The following SH3BP5 variants were observed in gnomAD, a reference collection of about 807,000 sequenced individuals.
SH3BP5 encodes SH3 domain-binding protein 5.
Under a neutral mutation model 43.3 loss-of-function variants are expected in SH3BP5, and 22 were observed. That is an observed-to-expected ratio of 0.51 (90% CI 0.36 to 0.73). SH3BP5 has a LOEUF of 0.73. Among genes scored for constraint, SH3BP5 ranks in the 30% least tolerant of loss-of-function variants. SH3BP5 has a pLI of 0.00. For synonymous variants in SH3BP5, 255 were observed against 225.8 expected, an observed-to-expected ratio of 1.13 and a Z score of -1.16; for missense variants, 529 against 586.9, an observed-to-expected ratio of 0.90 and a Z score of 1.02.
rs144539144 is a variant in SH3BP5, at chr3:15,327,102, C to T, written c.201+3402G>A. Reference sequence around the variant, plus strand: ...ACAAGACTGGGCACGGTGGCTCACACCTGTAATCCCAGCACTTTGGGAGGC... The same window carrying T: ...ACAAGACTGGGCACGGTGGCTCACATCTGTAATCCCAGCACTTTGGGAGGC... On this transcript the variant is annotated intron_variant, in intron 2 of 8. Transcript: ENST00000383791. Among the ~76,000 whole-genome samples, 1,071 of 152,244 alleles carry T rather than the reference C, an allele frequency of 7.0e-3. 21 individuals carry two copies. The highest frequency in any genetic ancestry group is 0.025 in the African/African-American group (1,021 of 41,534).
intron 2 of SH3BP5, among the ~76,000 whole-genome samples, chr3:15,322,039 T>C (rs1043642564): frequency 1.3e-5 from 2 of 152,062 alleles, no homozygotes; most frequent in Admixed American, 6.6e-5. Context: ...ACCCCGTCTC[T>C]ACTAAAATAC....
chr3:15,304,341 A>G (rs1697837620), intron 2 of SH3BP5, 110 bp from the exon 3 acceptor site: 1 of 1,522,118 alleles, frequency 6.6e-7, no homozygotes, highest in Admixed American at 1.8e-5. Flanking sequence ...CAACGTACAG[A>G]CCCCTAAAGT....
intron 3 of SH3BP5, among the ~76,000 whole-genome samples, chr3:15,277,865 C>T (rs999518314): frequency 5.3e-5 from 8 of 152,226 alleles, no homozygotes; most frequent in Non-Finnish European, 1.2e-4. Flanking sequence ...CTTCCAGAAC[C>T]CCCTGGATGC....
chr3:15,258,502 G>A (rs942091767), intron 7 of SH3BP5: 17 of 356,880 alleles, frequency 4.8e-5, no homozygotes, highest in African/African-American at 3.4e-4. Context: ...ATGATGTAAA[G>A]GTAGCTTTGA....
chr3:15,284,180 ACT>A lies in SH3BP5; in HGVS notation c.331-14305_331-14304del, dbSNP rs368900760. ...AGCTTCACTGAAGCTTACAAGACTG[ACT>A]CTCTAGACTGTAGATCCTGATGGGA... On this transcript the variant is annotated intron_variant, in intron 3 of 8. Transcript: ENST00000383791. Among the ~76,000 whole-genome samples the A allele has an allele frequency of 1.0e-3, 156 of 152,036 alleles. 1 individual carries two copies. Among genetic ancestry groups the A allele is most frequent in the African/African-American group, 3.6e-3 (150 of 41,468 alleles).
At chr3:15,296,289 C>T (rs1027322239) in intron 3 of SH3BP5, among the ~76,000 whole-genome samples, 25 of 151,860 alleles carry the variant, frequency 1.6e-4, no homozygotes, top group Admixed American at 7.9e-4. Context: ...ATCCCCTGAC[C>T]TGCTATAATC....
chr3:15,337,084 G>GTTTTTTTTTTTTTTTTT (rs374056927), upstream of SH3BP5, among the ~76,000 whole-genome samples: 9 of 100,100 alleles, frequency 9.0e-5, no homozygotes, highest in East Asian at 3.1e-4. Context: ...TTTTAGTTTA[G>GTTTTTTTTTTTTTTTTT]TTTTTTTTTT....
intron 1 of SH3BP5, chr3:15,330,924 A>T (rs970857768): frequency 1.7e-5 from 3 of 176,584 alleles, no homozygotes; most frequent in Admixed American, 6.5e-5. Context: ...TGCTTAGAAA[A>T]CAATAAAAGA....
intron 5 of SH3BP5, among the ~76,000 whole-genome samples, chr3:15,260,793 T>C (rs1401021430): frequency 2.0e-5 from 3 of 152,002 alleles, no homozygotes; most frequent in Non-Finnish European, 2.9e-5. Flanking sequence ...AGCCACTCTG[T>C]GGAATGCACA....
chr3:15,332,318 T>TCCCCTCTTC lies in SH3BP5; in HGVS notation c.82_90dup (p.Glu28_Gly30dup), dbSNP rs1210065310. Reference sequence around the variant, plus strand: ...TCTTCCTCCTCCAGCCCCTGCTCCATCCCCTCTTCCTCCTCCTCCTCCTCG... The same window carrying TCCCCTCTTC: ...TCTTCCTCCTCCAGCCCCTGCTCCATCCCCTCTTCCCCCTCTTCCTCCTCCTCCTCCTCG... On this transcript the variant is annotated inframe_insertion, in exon 1 of 9. Transcript: ENST00000383791. The TCCCCTCTTC allele has an allele frequency of 7.1e-6, 11 of 1,546,746 alleles. No homozygotes were observed. In the South Asian group the frequency reaches 1.2e-4, roughly 17 times the overall value.
chr3:15,296,694 C>CTTTTTTTTTT (rs370273754), intron 3 of SH3BP5, among the ~76,000 whole-genome samples: 1,400 of 124,834 alleles, frequency 0.011, 115 homozygotes, highest in African/African-American at 0.045. Context: ...AGTGTTTTTC[C>CTTTTTTTTTT]TTTTTTTTTT....
chr3:15,277,784 T>C lies in SH3BP5; in HGVS notation c.331-7907A>G, dbSNP rs144638313. 5.9e-3 allele frequency among the ~76,000 whole-genome samples: 894 copies of C among 151,322 alleles called. 11 individuals are homozygous for C. The highest frequency in any genetic ancestry group is 0.02 in the African/African-American group (818 of 40,978). On this transcript the variant is annotated intron_variant, in intron 3 of 8. Coordinates refer to ENST00000383791, the MANE Select transcript of SH3BP5 (RefSeq NM_004844.5). The stretch of plus-strand genomic sequence containing the variant: ...ATCCAAAAGGACTCTGGGGTTTACT[T>C]GGGAATGGTTGGGCTCAGTATGCAT...
In SH3BP5 at chr3:15,269,771, T is replaced by A; in HGVS notation, c.437A>T (p.Asp146Val). Residue 146 changes from aspartate (D) to valine (V), a missense_variant, in exon 4 of 9, where the codon GAT becomes GTT. This residue lies in a region of SH3BP5 where 85 missense variants were observed against 140.8 expected (regional missense o/e 0.60). Coordinates refer to ENST00000383791, the MANE Select transcript of SH3BP5 (RefSeq NM_004844.5). Reference sequence around the variant, plus strand: ...GGCGGAGTCGAACTGCCGCTTGTCATCCTCCAGCAGCCGCTGCTCGGCCAG... The same window carrying A: ...GGCGGAGTCGAACTGCCGCTTGTCAACCTCCAGCAGCCGCTGCTCGGCCAG... The part of the protein sequence containing the change: ...ISLAEQRLLE[D>V]DKRQFDSAWQ... The A allele has an allele frequency of 1.2e-6, 2 of 1,612,124 alleles. No homozygotes were observed. Among genetic ancestry groups the A allele is most frequent in the East Asian group, 2.2e-5 (1 of 44,780 alleles).
At chr3:15,327,835 C>T (rs532254154) in intron 2 of SH3BP5, among the ~76,000 whole-genome samples, 4 of 152,280 alleles carry the variant, frequency 2.6e-5, no homozygotes, top group South Asian at 2.1e-4. Context: ...ACACTTGAAA[C>T]GTGTCTAGTC....
chr3:15,327,829 T>G (rs1011324908), intron 2 of SH3BP5, among the ~76,000 whole-genome samples: 1 of 152,202 alleles, frequency 6.6e-6, no homozygotes, highest in Non-Finnish European at 1.5e-5. Flanking sequence ...TAGCTAACAC[T>G]TGAAACGTGT....
At chr3:15,327,463 A>G (rs1343633087) in intron 2 of SH3BP5, among the ~76,000 whole-genome samples, 4 of 151,218 alleles carry the variant, frequency 2.6e-5, no homozygotes, top group Non-Finnish European at 4.4e-5. Context: ...TCCTGCCCCC[A>G]TCCTTGGGCA....
At chr3:15,304,581 G>C (rs1262584702) in intron 2 of SH3BP5, among the ~76,000 whole-genome samples, 1 of 152,128 alleles carries the variant, frequency 6.6e-6, no homozygotes, top group Non-Finnish European at 1.5e-5. Context: ...TTGGGAGGCC[G>C]AGGCAGGCCC....
chr3:15,259,901 G>T, intron 5 of SH3BP5, 98 bp from the exon 6 acceptor site: 1 of 1,095,470 alleles, frequency 9.1e-7, no homozygotes, highest in Non-Finnish European at 1.4e-6. Context: ...CCACTGGCCA[G>T]GTCGTCCTTC....
rs529694168 is a variant in SH3BP5 at position 15,257,420 on chromosome 3, G to A, written c.890-307C>T. 1.7e-5 allele frequency: 5 copies of A among 300,124 alleles called. No individual in the cohort carries two copies. The East Asian group carries it at 2.9e-4, about 17-fold the overall frequency. The allele number at this position is 300,124 out of a possible 1,614,324, so 18.6% of individuals were successfully genotyped here. A position where few individuals can be genotyped will look rare whatever the true frequency, so the allele number is the denominator to read the frequency against. On this transcript the variant is annotated intron_variant, in intron 7 of 8. Coordinates refer to ENST00000383791, the MANE Select transcript of SH3BP5 (RefSeq NM_004844.5). ...GGAAGATTAATTCAGCCACAAATTA[G>A]GACCTTTACTCCACCTCAGTCCCCC...
Sources: gnomAD v4.1 joint callset for allele counts (sites outside exome capture counted in the v4.1 genomes callset) on GRCh38, gnomAD v4.1.1 for gene constraint, gnomAD v4.1.1 regional missense constraint, MANE v1.5 for transcripts, NCBI Gene and HGNC (gene_info 2026-07-23, HGNC 2026-07-21) for gene names.